Variants in CATSPERB observed in about 807,000 individuals in gnomAD.
CATSPERB encodes cation channel sperm-associated auxiliary subunit beta.
CATSPERB carries 93 observed loss-of-function variants against 128.3 expected under a neutral mutation model. That is an observed-to-expected ratio of 0.72 (90% CI 0.61 to 0.86). The LOEUF (loss-of-function observed/expected upper bound fraction) is 0.86. Among genes scored for constraint, CATSPERB ranks in the 40% least tolerant of loss-of-function variants. CATSPERB has a pLI of 0.00. For missense variants in CATSPERB, 1,153 were observed against 1,329.5 expected (o/e 0.87, Z 2.06); for synonymous variants, 381 against 448.8 (o/e 0.85, Z 1.91).
chr14:91,667,313 G>A (rs927332863), intron 14 of CATSPERB, among the ~76,000 whole-genome samples: 2 of 152,216 alleles, frequency 1.3e-5, no homozygotes, highest in Admixed American at 1.3e-4. Flanking sequence ...AAAGGGGAAG[G>A]AGAGAGGAGA....
intron 5 of CATSPERB, chr14:91,710,293 A>G (rs576179467): frequency 6.6e-6 from 1 of 152,318 alleles, no homozygotes; most frequent in East Asian, 1.9e-4. Flanking sequence ...TCTCACTTTG[A>G]AAATGTATCT....
intron 10 of CATSPERB, among the ~76,000 whole-genome samples, chr14:91,688,136 C>A (rs1437690111): frequency 6.6e-6 from 1 of 151,884 alleles, no homozygotes. Context: ...TATTAAAGTT[C>A]TTTCTTGAGT....
chr14:91,725,311 A>G (rs1896102581), intron 2 of CATSPERB, 143 bp from the exon 3 acceptor site: 1 of 447,418 alleles, frequency 2.2e-6, no homozygotes, highest in Non-Finnish European at 3.8e-6. Context: ...GTAAAATTCA[A>G]ATTTTCCACC....
intron 14 of CATSPERB, 135 bp from the exon 15 acceptor site, chr14:91,660,116 TCACACACA>T (rs56413235): frequency 4.2e-6 from 1 of 238,604 alleles, no homozygotes; most frequent in Non-Finnish European, 7.2e-6. Flanking sequence ...TCTCTCTCTC[TCACACACA>T]CACACACACA....
chr14:91,605,371 G>A lies in CATSPERB; in HGVS notation c.2709+2923C>T, dbSNP rs1019641618. 15 of 604,760 alleles carry A rather than the reference G, an allele frequency of 2.5e-5. No individual in the cohort carries two copies. In the African/African-American group the frequency reaches 2.6e-4, roughly 10 times the overall value. The allele number at this position is 604,760 out of a possible 1,614,324, so 37.5% of individuals were successfully genotyped here. On this transcript the variant is annotated intron_variant, in intron 22 of 26. Coordinates refer to ENST00000256343, the MANE Select transcript of CATSPERB (RefSeq NM_024764.4). Reference sequence around the variant, plus strand: ...AATTTAAGAGCTGGACTGGAAAAAAGGTTAAGGTGGCTTTAAGACTTTTTT... The same window carrying A: ...AATTTAAGAGCTGGACTGGAAAAAAAGTTAAGGTGGCTTTAAGACTTTTTT...
At chr14:91,660,004 C>T (rs769671299) in intron 14 of CATSPERB, 23 bp from the exon 15 acceptor site, 2 of 1,551,746 alleles carry the variant, frequency 1.3e-6, no homozygotes, top group Non-Finnish European at 1.7e-6. Flanking sequence ...AGAGATAATA[C>T]CTTACTAAAG....
intron 15 of CATSPERB, among the ~76,000 whole-genome samples, chr14:91,650,257 A>G (rs1894680365): frequency 6.6e-6 from 1 of 152,142 alleles, no homozygotes; most frequent in Non-Finnish European, 1.5e-5. Context: ...TTGGTGCAAT[A>G]CATGTTGAGT....
intron 5 of CATSPERB, 138 bp downstream of exon 5, chr14:91,719,280 T>C (rs1437172371): frequency 6.1e-6 from 3 of 494,934 alleles, no homozygotes; most frequent in Non-Finnish European, 1.0e-5. Flanking sequence ...AGATAATTTT[T>C]AGTAAGTATG....
chr14:91,670,159 G>T (rs191265784), intron 13 of CATSPERB, among the ~76,000 whole-genome samples, 187 bp from the exon 14 acceptor site: 50 of 152,268 alleles, frequency 3.3e-4, no homozygotes, highest in African/African-American at 1.2e-3. Flanking sequence ...CCATCTTATA[G>T]TTGTTGAAAA....
rs138863955 is a variant in CATSPERB, at chr14:91,637,552, C to T, written c.1588-973G>A. Among the ~76,000 whole-genome samples the T allele has an allele frequency of 8.9e-3, 1,359 of 152,286 alleles. 16 individuals carry two copies. Among genetic ancestry groups the T allele is most frequent in the Middle Eastern group, 0.044 (13 of 294 alleles). ...AGCAGGTGGCTAAGAGCACAGGCCC[C>T]GGAGCCAGTTGCCTGGGATAGATGT... On this transcript the variant is annotated intron_variant, in intron 16 of 26. Coordinates refer to ENST00000256343, the MANE Select transcript of CATSPERB (RefSeq NM_024764.4).
intron 11 of CATSPERB, among the ~76,000 whole-genome samples, chr14:91,683,544 G>A (rs1895322614): frequency 6.6e-6 from 1 of 152,020 alleles, no homozygotes; most frequent in Non-Finnish European, 1.5e-5. Context: ...AAGTTCCAGG[G>A]GCTAATTTTG....
At chr14:91,631,091 C>T (rs1216756717) in intron 17 of CATSPERB, among the ~76,000 whole-genome samples, 1 of 152,186 alleles carries the variant, frequency 6.6e-6, no homozygotes, top group Non-Finnish European at 1.5e-5. Context: ...ACCATATTTA[C>T]TTTCTTCAAA....
At chr14:91,677,156 G>C (rs1196163586) in intron 11 of CATSPERB, among the ~76,000 whole-genome samples, 1 of 152,130 alleles carries the variant, frequency 6.6e-6, no homozygotes, top group African/African-American at 2.4e-5. Flanking sequence ...TCAGGACATA[G>C]GCATGGGCAA....
At chr14:91,724,881 T>C (rs921071183) in intron 3 of CATSPERB, among the ~76,000 whole-genome samples, 199 bp downstream of exon 3, 1 of 152,212 alleles carries the variant, frequency 6.6e-6, no homozygotes, top group Non-Finnish European at 1.5e-5. Flanking sequence ...GGATGCTCTA[T>C]GGCTAAGTGA....
rs150954399 is a variant in CATSPERB, at chr14:91,626,972, A to G, written c.1743-1965T>C. Among the ~76,000 whole-genome samples, 16 of 152,360 alleles carry G rather than the reference A, an allele frequency of 1.1e-4. No homozygotes were observed. In the East Asian group the frequency reaches 2.9e-3, roughly 28 times the overall value. On this transcript the variant is annotated intron_variant, in intron 17 of 26. Transcript: ENST00000256343. The stretch of plus-strand genomic sequence containing the variant: ...TTGGATAAAACAGTGGATTACATGA[A>G]CCAATTTATGAACAAATAGTTTATA...
intron 22 of CATSPERB, among the ~76,000 whole-genome samples, chr14:91,603,965 AT>A (rs35843912): frequency 0.68 from 95,118 of 139,252 alleles, 32,821 homozygotes; most frequent in East Asian, 0.96. Context: ...AACTTCATCT[AT>A]TTTTTTTTTT....
chr14:91,725,059 C>T, intron 3 of CATSPERB, 21 bp downstream of exon 3: 1 of 1,300,854 alleles, frequency 7.7e-7, no homozygotes, highest in Non-Finnish European at 1.1e-6. Context: ...GGTTATAACA[C>T]ATGCTATTAG....
In CATSPERB at chr14:91,619,861, TTGTGTGTGTGTGTGTG is replaced by T. The variant is rs55687285; in HGVS notation, c.2260+1731_2260+1746del. On this transcript the variant is annotated intron_variant, in intron 19 of 26. Transcript: ENST00000256343. Reference sequence around the variant, plus strand: ...AAAATATATTTTTAATGTAATAAAATTGTGTGTGTGTGTGTGTGTGTGTGTGTGTGTGTGTGTGTGT... The same window carrying T: ...AAAATATATTTTTAATGTAATAAAATTGTGTGTGTGTGTGTGTGTGTGTGT... Among the ~76,000 whole-genome samples, 262 of 139,120 alleles carry T rather than the reference TTGTGTGTGTGTGTGTG, an allele frequency of 1.9e-3. 1 individual carries two copies. The highest frequency in any genetic ancestry group is 5.5e-3 in the African/African-American group (205 of 37,090). The allele number at this position is 139,120 out of a possible 152,430, so 91.3% of individuals were successfully genotyped here.
At chr14:91,617,821 A>G in intron 19 of CATSPERB, 85 bp from the exon 20 acceptor site, 1 of 935,674 alleles carries the variant, frequency 1.1e-6, no homozygotes, top group South Asian at 1.6e-5. Flanking sequence ...AGATTTTAGA[A>G]CATCAACTGA....
Sources: gnomAD v4.1 joint callset for allele counts (sites outside exome capture counted in the v4.1 genomes callset) on GRCh38, gnomAD v4.1.1 for gene constraint, MANE v1.5 for transcripts, NCBI Gene and HGNC (gene_info 2026-07-23, HGNC 2026-07-21) for gene names.